CCSER1: variants seen among roughly 807,000 people sequenced by gnomAD.
The protein encoded by CCSER1 is coiled-coil serine rich protein 1, also known as serine-rich coiled-coil domain-containing protein 1.
A neutral mutation model predicts 82.0 loss-of-function variants in CCSER1; 41 were observed. The observed-to-expected ratio is 0.50, with a 90% confidence interval of 0.39 to 0.65. The LOEUF (loss-of-function observed/expected upper bound fraction) is 0.65. CCSER1 is among the 30% of genes least tolerant of loss of function. The pLI is 0.00. For synonymous variants in CCSER1, 414 were observed against 383.9 expected (o/e 1.08, Z -0.92); for missense variants, 1,119 against 1,064.2 (o/e 1.05, Z -0.72).
chr4:91,197,660 A>C (rs955420027), intron 10 of CCSER1, among the ~76,000 whole-genome samples: 9 of 152,200 alleles, frequency 5.9e-5, no homozygotes, highest in Non-Finnish European at 1.2e-4. Flanking sequence ...TTTACATTTT[A>C]CTTTTTAAAA....
chr4:90,804,718 A>G (rs1054045627), intron 7 of CCSER1, among the ~76,000 whole-genome samples: 39 of 152,180 alleles, frequency 2.6e-4, no homozygotes, highest in Non-Finnish European at 1.0e-4. Flanking sequence ...AAACAATGAG[A>G]TAATTCCAAA....
chr4:91,564,373 A>G (rs1288659042), intron 10 of CCSER1, among the ~76,000 whole-genome samples: 2 of 151,988 alleles, frequency 1.3e-5, no homozygotes, highest in East Asian at 1.9e-4. Flanking sequence ...ATGTGTCATC[A>G]TAGTAGAATG....
chr4:91,030,499 T>C (rs1740881561), intron 9 of CCSER1, among the ~76,000 whole-genome samples: 1 of 152,108 alleles, frequency 6.6e-6, no homozygotes, highest in South Asian at 2.1e-4. Flanking sequence ...AGAGAGCTGA[T>C]GCCGGCCTGG....
intron 1 of CCSER1, among the ~76,000 whole-genome samples, chr4:90,227,953 A>T (rs1347265975): frequency 6.6e-6 from 1 of 152,174 alleles, no homozygotes; most frequent in Non-Finnish European, 1.5e-5. Context: ...TATATCCCGC[A>T]CCTGGCTCGG....
At chr4:91,331,064 A>G (rs1236902845) in intron 10 of CCSER1, among the ~76,000 whole-genome samples, 2 of 152,072 alleles carry the variant, frequency 1.3e-5, no homozygotes, top group Non-Finnish European at 2.9e-5. Context: ...TTGGTTTCAG[A>G]CATCCACTGG....
chr4:90,480,297 G>A (rs1193571464), intron 5 of CCSER1, among the ~76,000 whole-genome samples: 4 of 152,066 alleles, frequency 2.6e-5, no homozygotes, highest in East Asian at 3.8e-4. Flanking sequence ...ACATAAATAG[G>A]TTGCAAAAAT....
At chr4:91,521,939 A>T (rs12650135) in intron 10 of CCSER1, among the ~76,000 whole-genome samples, 97,822 of 151,902 alleles carry the variant, frequency 0.64, 31,675 homozygotes, top group East Asian at 0.73. Context: ...GGTGTTTTAG[A>T]CATGAAGTCC....
chr4:90,927,611 C>T (rs1282888933), intron 9 of CCSER1, among the ~76,000 whole-genome samples: 1 of 151,764 alleles, frequency 6.6e-6, no homozygotes, highest in African/African-American at 2.4e-5. Flanking sequence ...GTGGGATTTG[C>T]TTTATAAATA....
chr4:90,451,424 G>T (rs1761444398), intron 4 of CCSER1, among the ~76,000 whole-genome samples: 1 of 152,142 alleles, frequency 6.6e-6, no homozygotes, highest in East Asian at 1.9e-4. Context: ...ATTGACTGAG[G>T]GGATTATTTT....
rs777085729 is a variant in CCSER1 at position 90,145,324 on chromosome 4, T to TAAATAA, written c.-42+17494_-42+17499dup. Among the ~76,000 whole-genome samples, 7 of 152,218 alleles carry TAAATAA rather than the reference T, an allele frequency of 4.6e-5. No homozygotes were observed. In the East Asian group the frequency reaches 9.6e-4, roughly 21 times the overall value. ...AATGCCACATAATCAAAATAACTCA[T>TAAATAA]AAATAATTAAAGAGTCACATTATAA... On this transcript the variant is annotated intron_variant, in intron 1 of 10. Transcript: ENST00000509176.
At chr4:90,707,824 C>A (rs559612534) in intron 6 of CCSER1, among the ~76,000 whole-genome samples, 177 of 152,226 alleles carry the variant, frequency 1.2e-3, no homozygotes, top group African/African-American at 4.0e-3. Context: ...CCTCAGGCAG[C>A]ACAGCTAGTT....
At chr4:91,437,816 C>A (rs1295950798) in intron 10 of CCSER1, among the ~76,000 whole-genome samples, 5 of 152,222 alleles carry the variant, frequency 3.3e-5, no homozygotes, top group Non-Finnish European at 7.3e-5. Context: ...AAATGGCACA[C>A]CAGGAGATTA....
intron 6 of CCSER1, among the ~76,000 whole-genome samples, chr4:90,709,440 AC>A (rs537735114): frequency 1.6e-3 from 240 of 150,492 alleles, no homozygotes; most frequent in Admixed American, 6.1e-3. Flanking sequence ...TCCCGCTCAA[AC>A]CCCCTCCAAC....
intron 3 of CCSER1, among the ~76,000 whole-genome samples, chr4:90,369,452 A>T (rs1422435403): frequency 6.6e-6 from 1 of 151,800 alleles, no homozygotes; most frequent in African/African-American, 2.4e-5. Context: ...AAGAGAATTG[A>T]AGAAGATATA....
At chr4:91,516,836 G>A (rs970770262) in intron 10 of CCSER1, among the ~76,000 whole-genome samples, 3 of 152,130 alleles carry the variant, frequency 2.0e-5, no homozygotes, top group Non-Finnish European at 2.9e-5. Flanking sequence ...CTATTTATGA[G>A]CATGGAGTGT....
rs150381104 is a variant in CCSER1, at chr4:90,950,999, T to A, written c.2172+27552T>A. 1.5e-3 allele frequency: 230 copies of A among 152,280 alleles called. 1 individual carries two copies. The highest frequency in any genetic ancestry group is 5.3e-3 in the African/African-American group (221 of 41,586). 9.4% of individuals were successfully genotyped at this position (152,280 alleles called of 1,614,324 possible). A position where few individuals can be genotyped will look rare whatever the true frequency, so the allele number is the denominator to read the frequency against. On this transcript the variant is annotated intron_variant, in intron 9 of 10. Transcript: ENST00000509176. ...GCACTAGGTGCCTGGTATATGCACT[T>A]TTATAAGCAAAGTTAAAGGGAGTAT...
At chr4:90,713,159 T>C (rs1188259303) in intron 6 of CCSER1, among the ~76,000 whole-genome samples, 2 of 152,020 alleles carry the variant, frequency 1.3e-5, no homozygotes, top group Non-Finnish European at 2.9e-5. Context: ...GTTAATACCG[T>C]TATGTGTGAA....
chr4:91,252,429 G>T (rs924325441), intron 10 of CCSER1, among the ~76,000 whole-genome samples: 2 of 152,036 alleles, frequency 1.3e-5, no homozygotes, highest in Admixed American at 6.6e-5. Flanking sequence ...TAAGTACATG[G>T]ACAATCATAA....
chr4:91,041,483 CTTTGT>C (rs1661061257), intron 9 of CCSER1, among the ~76,000 whole-genome samples: 1 of 152,086 alleles, frequency 6.6e-6, no homozygotes, highest in African/African-American at 2.4e-5. Context: ...ATTTCCGATA[CTTTGT>C]TTTAACTATG....
Sources: allele counts gnomAD v4.1 joint callset (sites outside exome capture counted in the v4.1 genomes callset), GRCh38; gene constraint gnomAD v4.1.1; transcripts MANE v1.5; gene names NCBI Gene and HGNC (gene_info 2026-07-23, HGNC 2026-07-21).